The following CNTN1 variants were observed in gnomAD, a reference collection of about 807,000 sequenced individuals.
CNTN1 encodes the protein contactin 1.
A neutral mutation model predicts 126.4 loss-of-function variants in CNTN1; 38 were observed. The ratio of observed to expected loss-of-function variants is 0.30; its 90% CI spans 0.23 to 0.39. CNTN1 has a LOEUF of 0.39. Among genes scored for constraint, CNTN1 ranks in the 10% least tolerant of loss-of-function variants. The pLI is 1.00. For synonymous variants in CNTN1, 413 were observed against 422.6 expected (o/e 0.98, Z 0.28); for missense variants, 1,009 against 1,248.4 (o/e 0.81, Z 2.89).
intron 1 of CNTN1, among the ~76,000 whole-genome samples, chr12:40,887,768 T>A (rs1944094127): frequency 6.6e-6 from 1 of 152,060 alleles, no homozygotes; most frequent in Non-Finnish European, 1.5e-5. Context: ...CCAACCCAAA[T>A]GTCCAACAAC....
At chr12:41,043,776 T>G (rs192171100) in intron 23 of CNTN1, among the ~76,000 whole-genome samples, 5,619 of 151,026 alleles carry the variant, frequency 0.037, 369 homozygotes, top group African/African-American at 0.13. Context: ...TAGACTGGAT[T>G]AAGAAAATGT....
intron 1 of CNTN1, among the ~76,000 whole-genome samples, chr12:40,847,166 C>G (rs1942540906): frequency 1.3e-5 from 2 of 152,194 alleles, no homozygotes; most frequent in South Asian, 4.1e-4. Flanking sequence ...GTGCCTGGCC[C>G]TCCTTATAGT....
At chr12:40,863,926 T>TCCTTCCTTCCGCCCTCCCTCCCTCCCTC (rs760801289) in intron 1 of CNTN1, among the ~76,000 whole-genome samples, 12 of 129,152 alleles carry the variant, frequency 9.3e-5, no homozygotes, top group African/African-American at 3.8e-4. Flanking sequence ...CTTCCTTCCT[T>TCCTTCCTTCCGCCCTCCCTCCCTCCCTC]CCTCCCTCCC....
intron 3 of CNTN1, among the ~76,000 whole-genome samples, chr12:40,911,175 G>A (rs1945014638): frequency 6.6e-6 from 1 of 152,050 alleles, no homozygotes; most frequent in Admixed American, 6.6e-5. Flanking sequence ...CCACCTCCGG[G>A]ATTCACGCCA....
At chr12:41,015,468 C>G (rs1025953364) in intron 18 of CNTN1, among the ~76,000 whole-genome samples, 1 of 152,020 alleles carries the variant, frequency 6.6e-6, no homozygotes, top group African/African-American at 2.4e-5. Flanking sequence ...TTCTGTTATA[C>G]TCTAAATTCC....
At chr12:40,878,702 A>G (rs1343707122) in intron 1 of CNTN1, among the ~76,000 whole-genome samples, 1 of 152,210 alleles carries the variant, frequency 6.6e-6, no homozygotes, top group Non-Finnish European at 1.5e-5. Context: ...CATTTTTGTA[A>G]TTCAATAGCT....
At chr12:40,799,169 A>G (rs907186419) in intron 1 of CNTN1, among the ~76,000 whole-genome samples, 10 of 151,340 alleles carry the variant, frequency 6.6e-5, no homozygotes, top group African/African-American at 2.4e-4. Flanking sequence ...TCTATAGCCT[A>G]ATATTGCTTG....
At chr12:40,926,689 T>C (rs10784951) in intron 6 of CNTN1, among the ~76,000 whole-genome samples, 21,976 of 151,850 alleles carry the variant, frequency 0.14, 1,629 homozygotes, top group African/African-American at 0.16. Flanking sequence ...AGGTAGCATA[T>C]GATGGGCCAG....
intron 23 of CNTN1, among the ~76,000 whole-genome samples, chr12:41,060,947 T>C (rs1279416245): frequency 1.3e-5 from 2 of 152,174 alleles, no homozygotes; most frequent in Non-Finnish European, 2.9e-5. Context: ...ATAGATGGTT[T>C]TTACTTTGCA....
chr12:40,867,400 C>A (rs1943333616), intron 1 of CNTN1, among the ~76,000 whole-genome samples: 1 of 152,118 alleles, frequency 6.6e-6, no homozygotes, highest in African/African-American at 2.4e-5. Flanking sequence ...AAGGACACAA[C>A]ATGTCAGCTA....
At chr12:40,817,796 G>T (rs956562309) in intron 1 of CNTN1, among the ~76,000 whole-genome samples, 2 of 152,062 alleles carry the variant, frequency 1.3e-5, no homozygotes, top group Non-Finnish European at 2.9e-5. Context: ...TTTTGCAGTG[G>T]CTGGTACTGG....
At chr12:40,814,262 G>T (rs188033290) in intron 1 of CNTN1, among the ~76,000 whole-genome samples, 3 of 152,144 alleles carry the variant, frequency 2.0e-5, no homozygotes, top group Admixed American at 1.3e-4. Flanking sequence ...TTGTCATAAA[G>T]TCTTTGCCCA....
At chr12:40,915,729 CT>C (rs201074616) in intron 3 of CNTN1, among the ~76,000 whole-genome samples, 97 of 151,286 alleles carry the variant, frequency 6.4e-4, no homozygotes, top group Middle Eastern at 3.4e-3. Flanking sequence ...CAACTTAATC[CT>C]TTTTTTTTCT....
At chr12:40,994,726 G>A (rs1948171744) in intron 17 of CNTN1, among the ~76,000 whole-genome samples, 2 of 151,932 alleles carry the variant, frequency 1.3e-5, no homozygotes, top group Admixed American at 6.6e-5. Flanking sequence ...GTAGAGAAAA[G>A]CAAACACTAG....
In CNTN1 at chr12:40,702,683, A is replaced by G. The variant is rs192631605; in HGVS notation, c.-77+10091A>G. Reference sequence around the variant, plus strand: ...ACTCCTGACCTCAGGTGATTCACCCACTTCAGCCTCCCAAAGTGCTGGAAT... The same window carrying G: ...ACTCCTGACCTCAGGTGATTCACCCGCTTCAGCCTCCCAAAGTGCTGGAAT... On this transcript the variant is annotated intron_variant, in intron 1 of 23. Transcript: ENST00000551295. Among the ~76,000 whole-genome samples the G allele has an allele frequency of 4.7e-4, 72 of 151,832 alleles. 1 individual carries two copies. Among genetic ancestry groups the G allele is most frequent in the African/African-American group, 1.7e-3 (70 of 41,450 alleles).
At chr12:40,939,809 A>G (rs1468131735) in intron 12 of CNTN1, among the ~76,000 whole-genome samples, 1 of 152,174 alleles carries the variant, frequency 6.6e-6, no homozygotes, top group Non-Finnish European at 1.5e-5. Context: ...TCTCTCTAAC[A>G]TATTTTTCCC....
At chr12:40,951,715 TAAAAAAAAAAAAAAA>T (rs71078286) in intron 14 of CNTN1, among the ~76,000 whole-genome samples, 1 of 110,026 alleles carries the variant, frequency 9.1e-6, no homozygotes, top group Non-Finnish European at 1.8e-5. Flanking sequence ...TCTCAAAATT[TAAAAAAAAAAAAAAA>T]AAAAAAAAAA....
At position 40,813,500 on chromosome 12, in the gene CNTN1, C is replaced by T. The variant is rs535857374; in HGVS notation, c.-76-94857C>T. On this transcript the variant is annotated intron_variant, in intron 1 of 23. Coordinates refer to ENST00000551295, the MANE Select transcript of CNTN1 (RefSeq NM_001843.4). ...GAGATCGATGCCTTCCAACCTCATC[C>T]GTCTCCCTGCAAAGGACACGATCTC... Among the ~76,000 whole-genome samples, 11 of 152,170 alleles carry T rather than the reference C, an allele frequency of 7.2e-5. No individual in the cohort carries two copies. The South Asian group carries it at 1.2e-3, about 17-fold the overall frequency.
intron 1 of CNTN1, among the ~76,000 whole-genome samples, chr12:40,900,144 G>A (rs1350283176): frequency 1.3e-5 from 2 of 152,072 alleles, no homozygotes; most frequent in African/African-American, 4.8e-5. Flanking sequence ...AGGACGGCAT[G>A]CATTTTACAG....
Sources: gnomAD v4.1 joint callset for allele counts (sites outside exome capture counted in the v4.1 genomes callset) on GRCh38, gnomAD v4.1.1 for gene constraint, MANE v1.5 for transcripts, NCBI Gene and HGNC (gene_info 2026-07-23, HGNC 2026-07-21) for gene names.